MLXIPL: variants seen among roughly 807,000 people sequenced by gnomAD.
MLXIPL encodes carbohydrate-responsive element-binding protein.
A neutral mutation model predicts 81.5 loss-of-function variants in MLXIPL; 49 were observed. The ratio of observed to expected loss-of-function variants is 0.60; its 90% confidence interval spans 0.48 to 0.76. The LOEUF (loss-of-function observed/expected upper bound fraction) is 0.76, where lower values mean the gene tolerates loss of function less well. Among genes scored for constraint, MLXIPL ranks in the 30% least tolerant of loss-of-function variants. MLXIPL has a pLI of 0.00. For missense variants in MLXIPL, 1,053 were observed against 1,167.0 expected, an observed-to-expected ratio of 0.90 and a Z score of 1.42; for synonymous variants, 466 against 485.5, an observed-to-expected ratio of 0.96 and a Z score of 0.53.
the MLXIPL span, among the ~76,000 whole-genome samples, chr7:73,641,608 G>A: frequency 3.9e-5 from 6 of 152,220 alleles, no homozygotes; most frequent in African/African-American, 1.4e-4. Flanking sequence ...CACCAGCTGT[G>A]TGTCCTGCGA....
rs1228126937 is a variant in MLXIPL, at chr7:73,596,875, G to A, written c.1661C>T (p.Pro554Leu). ...PLVSSTLLRS[P>L]GSPQETVPEF... Reference sequence around the variant, plus strand: ...TGCCCGAGATCTTACCGGGGACCCTGGGGACCGGAGGAGGGTGCTGGATAC... The same window carrying A: ...TGCCCGAGATCTTACCGGGGACCCTAGGGACCGGAGGAGGGTGCTGGATAC... Residue 554 changes from proline (P) to leucine (L), a missense_variant, in exon 10 of 17, where the codon CCA (proline) becomes CTA (leucine). This residue lies in a region of MLXIPL where 823 missense variants were observed against 933.0 expected (regional missense o/e 0.88). Transcript: ENST00000313375. This position sits in a 1 kb window ranked among gnomAD's most constrained non-coding sequence, Gnocchi z 4.7. 4 of 1,611,352 alleles carry A rather than the reference G, an allele frequency of 2.5e-6. No homozygotes were observed. Among genetic ancestry groups the A allele is most frequent in the East Asian group, 2.2e-5 (1 of 44,880 alleles).
intron 7 of MLXIPL, among the ~76,000 whole-genome samples, chr7:73,603,741 GA>G (rs1795072889): frequency 6.6e-6 from 1 of 152,204 alleles, no homozygotes. Flanking sequence ...TGGCTATCGG[GA>G]ATAACCTGCA....
In MLXIPL at chr7:73,597,371, T is replaced by C. The variant is rs1455924644; in HGVS notation, c.1414A>G (p.Ile472Val). The C allele has an allele frequency of 9.7e-6, 6 of 621,662 alleles. No homozygotes were observed. In the Admixed American group the frequency reaches 1.0e-3, roughly 104 times the overall value. The allele number at this position is 621,662 out of a possible 1,614,324, so 38.5% of individuals were successfully genotyped here. ...VPSPAPTPFP[I>V]ELLPLGYSEP... is the part of the protein sequence containing the mutation. Reference sequence around the variant, plus strand: ...GAATACCCCAAGGGTAGAAGCTCTATGGGGAAGGGGGTGGGGGCTGGGCTG... The same window carrying C: ...GAATACCCCAAGGGTAGAAGCTCTACGGGGAAGGGGGTGGGGGCTGGGCTG... Residue 472 changes from isoleucine to valine, a missense_variant, in exon 9 of 17, where the codon ATA (isoleucine) becomes GTA (valine). Physicochemically the swap from Ile to Val is conservative, Grantham distance 29. Coordinates refer to ENST00000313375, the MANE Select transcript of MLXIPL (RefSeq NM_032951.3).
At chr7:73,631,714 C>T in the MLXIPL span, among the ~76,000 whole-genome samples, 10 of 148,848 alleles carry the variant, frequency 6.7e-5, no homozygotes, top group African/African-American at 2.5e-4. Flanking sequence ...GTCAAATTTT[C>T]TTCCTTTCCT....
At chr7:73,627,382 G>T (rs7781852), upstream of MLXIPL, among the ~76,000 whole-genome samples, 10 of 151,858 alleles carry the variant, frequency 6.6e-5, no homozygotes, top group African/African-American at 2.4e-4. Context: ...CCAAGTAGCC[G>T]GGATTACAGG....
chr7:73,647,767 G>A, the MLXIPL span, among the ~76,000 whole-genome samples: 265 of 151,874 alleles, frequency 1.7e-3, no homozygotes, highest in African/African-American at 6.1e-3. Flanking sequence ...GGGGCTCCAC[G>A]CCCTCACCTG....
At chr7:73,602,222 T>TTTC (rs1433930717) in intron 7 of MLXIPL, among the ~76,000 whole-genome samples, 22 of 138,566 alleles carry the variant, frequency 1.6e-4, no homozygotes, top group Non-Finnish European at 2.2e-4. Flanking sequence ...TCTTTCTTTC[T>TTTC]TTTTTTTTTT....
intron 1 of MLXIPL, among the ~76,000 whole-genome samples, chr7:73,617,169 C>T (rs1554600972): frequency 1.3e-5 from 2 of 152,090 alleles, no homozygotes; most frequent in Non-Finnish European, 2.9e-5. Context: ...TTGTGCGCCA[C>T]CACGTTCAGC....
At chr7:73,643,479 A>C in the MLXIPL span, among the ~76,000 whole-genome samples, 1 of 150,196 alleles carries the variant, frequency 6.7e-6, no homozygotes, top group African/African-American at 2.5e-5. Context: ...GCGCCACTGC[A>C]CTCCAGCCTG....
chr7:73,618,254 A>C (rs1046871301), intron 1 of MLXIPL, among the ~76,000 whole-genome samples: 3 of 152,004 alleles, frequency 2.0e-5, no homozygotes, highest in African/African-American at 7.2e-5. Context: ...ATGCCATGAC[A>C]CCCAGCTCAC....
intron 1 of MLXIPL, among the ~76,000 whole-genome samples, chr7:73,619,465 A>G (rs1554601508): frequency 6.6e-6 from 1 of 151,148 alleles, no homozygotes. Flanking sequence ...CATCTCAAAA[A>G]AAAAAAAAAA....
the MLXIPL span, among the ~76,000 whole-genome samples, chr7:73,640,703 G>A: frequency 2.0e-5 from 3 of 151,286 alleles, no homozygotes; most frequent in Admixed American, 2.0e-4. Flanking sequence ...CTTGAATCCG[G>A]GAGGCGGAGG....
In MLXIPL at chr7:73,624,519, C is replaced by T. The variant is rs375894287; in HGVS notation, c.-27G>A. 4.8e-5 allele frequency: 72 copies of T among 1,512,710 alleles called. 2 individuals carry two copies. The East Asian group carries it at 1.4e-3, about 28-fold the overall frequency. 93.7% of individuals were successfully genotyped at this position (1,512,710 alleles called of 1,614,324 possible). A position where few individuals can be genotyped will look rare whatever the true frequency, so the allele number is the denominator to read the frequency against. The stretch of plus-strand genomic sequence containing the variant: ...GCTGTCGCCGCCGCAACCGCCTGGT[C>T]CCTGCTCCGCGCAGCGCGGGGAACA... On this transcript the variant is annotated 5_prime_UTR_variant, in exon 1 of 17. Coordinates refer to ENST00000313375, the MANE Select transcript of MLXIPL (RefSeq NM_032951.3).
the MLXIPL span, among the ~76,000 whole-genome samples, chr7:73,645,660 T>C: frequency 0.4 from 61,560 of 152,074 alleles, 13,887 homozygotes; most frequent in East Asian, 0.73. Flanking sequence ...CTCCCAGCTC[T>C]GCTCAACAGT....
chr7:73,616,055 G>T lies in MLXIPL; in HGVS notation c.400+16C>A. The T allele has an allele frequency of 1.2e-6, 2 of 1,605,784 alleles. No homozygotes were observed. ...GCAGTCCCTCCCGGCTTGGGAGGCTGGTGGTAGCCACTCACACTGGATATA... is the reference window on the plus strand; with the variant it reads ...GCAGTCCCTCCCGGCTTGGGAGGCTTGTGGTAGCCACTCACACTGGATATA... On this transcript the variant is annotated intron_variant, in intron 2 of 16. Coordinates refer to ENST00000313375, the MANE Select transcript of MLXIPL (RefSeq NM_032951.3).
chr7:73,594,504 ACTGT>A (rs1225523230), intron 15 of MLXIPL, 101 bp from the exon 16 acceptor site: 80 of 1,461,824 alleles, frequency 5.5e-5, no homozygotes, highest in Non-Finnish European at 7.2e-5. Flanking sequence ...GGGCCTGGAC[ACTGT>A]CTAACGTTGA....
chr7:73,606,800 C>G (rs1554598285), intron 5 of MLXIPL, 174 bp downstream of exon 5: 1 of 732,834 alleles, frequency 1.4e-6, no homozygotes, highest in Non-Finnish European at 2.3e-6. Context: ...CACCCTCACC[C>G]CCCAAGAAGA....
chr7:73,615,912 CAAAAAA>C (rs71082239), intron 2 of MLXIPL, among the ~76,000 whole-genome samples, 153 bp downstream of exon 2: 2 of 53,250 alleles, frequency 3.8e-5, no homozygotes, highest in East Asian at 1.3e-3. Context: ...GACTGTGTCT[CAAAAAA>C]AAAAAAAAAA....
chr7:73,642,300 G>A, the MLXIPL span, among the ~76,000 whole-genome samples: 3 of 152,052 alleles, frequency 2.0e-5, no homozygotes, highest in African/African-American at 7.2e-5. Flanking sequence ...AAACTCAGAA[G>A]CTCCATGAAG....
Sources: allele counts gnomAD v4.1 joint callset (sites outside exome capture counted in the v4.1 genomes callset), GRCh38; gene constraint gnomAD v4.1.1; regional missense constraint gnomAD v4.1.1; non-coding constraint Gnocchi (gnomAD v3.1); transcripts MANE v1.5; gene names NCBI Gene and HGNC (gene_info 2026-07-23, HGNC 2026-07-21).